Variants in LARGE1 observed in about 807,000 individuals in gnomAD.
The protein encoded by LARGE1 is xylosyl- and glucuronyltransferase LARGE1.
Under a neutral mutation model 87.6 loss-of-function variants are expected in LARGE1, and 43 were observed. The observed-to-expected ratio is 0.49, with a 90% CI of 0.38 to 0.63. The LOEUF is 0.63. Among genes scored for constraint, LARGE1 ranks in the 30% least tolerant of loss-of-function variants. LARGE1 has a pLI of 0.00. For synonymous variants in LARGE1, 434 were observed against 394.6 expected, an observed-to-expected ratio of 1.10 and a Z score of -1.18; for missense variants, 802 against 1,000.2, an observed-to-expected ratio of 0.80 and a Z score of 2.67.
At position 33,396,709 on chromosome 22, in the gene LARGE1, G is replaced by A. The variant is rs180810588; in HGVS notation, c.893-12405C>T. 4.6e-3 allele frequency among the ~76,000 whole-genome samples: 699 copies of A among 152,224 alleles called. 4 individuals carry two copies. Among genetic ancestry groups the A allele is most frequent in the African/African-American group, 0.016 (667 of 41,530 alleles). ...CTTGGAGGTGTTATGGGCAAATAGA[G>A]GTATGTTCTAGGCAGACAGGGTGGG... On this transcript the variant is annotated intron_variant, in intron 7 of 14. Coordinates refer to ENST00000397394, the MANE Select transcript of LARGE1 (RefSeq NM_133642.5).
At chr22:33,786,582 C>A (rs2085648150) in intron 1 of LARGE1, among the ~76,000 whole-genome samples, 1 of 152,214 alleles carries the variant, frequency 6.6e-6, no homozygotes, top group African/African-American at 2.4e-5. Flanking sequence ...CAGAGGGTCT[C>A]CGAGAATTCT....
At chr22:33,653,252 G>A (rs900638196) in intron 2 of LARGE1, among the ~76,000 whole-genome samples, 5 of 152,158 alleles carry the variant, frequency 3.3e-5, no homozygotes, top group African/African-American at 1.2e-4. Context: ...CAATTAAGTA[G>A]TAATAGTTAT....
rs56730610 is a variant in LARGE1, at chr22:33,616,391, G to C, written c.491+9853C>G. Reference sequence around the variant, plus strand: ...TTTAAAAAATTAAAAAATTAGCTGGGCATGGTGGCAGGCACCTGTAATTCC... The same window carrying C: ...TTTAAAAAATTAAAAAATTAGCTGGCCATGGTGGCAGGCACCTGTAATTCC... On this transcript the variant is annotated intron_variant, in intron 4 of 14. Coordinates refer to ENST00000397394, the MANE Select transcript of LARGE1 (RefSeq NM_133642.5). Among the ~76,000 whole-genome samples, 966 of 152,134 alleles carry C rather than the reference G, an allele frequency of 6.3e-3. 8 individuals are homozygous for C. Among genetic ancestry groups the C allele is most frequent in the African/African-American group, 0.022 (927 of 41,526 alleles).
chr22:33,130,573 C>A, the LARGE1 span, among the ~76,000 whole-genome samples: 12 of 152,038 alleles, frequency 7.9e-5, no homozygotes, highest in Non-Finnish European at 1.8e-4. Context: ...CTGTGCAAAT[C>A]GGTTTCAGAA....
At chr22:33,672,505 G>A (rs970033917) in intron 2 of LARGE1, among the ~76,000 whole-genome samples, 19 of 152,160 alleles carry the variant, frequency 1.2e-4, no homozygotes, top group African/African-American at 4.3e-4. Context: ...TTCTTCCAGG[G>A]TCTGTCTGCC....
chr22:33,444,673 G>A (rs2067616489), intron 6 of LARGE1, among the ~76,000 whole-genome samples: 1 of 152,162 alleles, frequency 6.6e-6, no homozygotes, highest in African/African-American at 2.4e-5. Context: ...GCATCATTTG[G>A]TATAAGGTTA....
chr22:33,715,326 C>A (rs950075808), intron 2 of LARGE1, among the ~76,000 whole-genome samples: 1 of 152,176 alleles, frequency 6.6e-6, no homozygotes, highest in African/African-American at 2.4e-5. Flanking sequence ...TCCAAGCTCA[C>A]TGAGTCCTCC....
intron 6 of LARGE1, among the ~76,000 whole-genome samples, chr22:33,531,867 G>T (rs1014748231): frequency 6.6e-6 from 1 of 152,228 alleles, no homozygotes; most frequent in Non-Finnish European, 1.5e-5. Flanking sequence ...TGCTCAGGCT[G>T]CCCGGAACAA....
chr22:33,622,935 T>C (rs557925587), intron 4 of LARGE1, among the ~76,000 whole-genome samples: 14 of 152,344 alleles, frequency 9.2e-5, no homozygotes, highest in Admixed American at 4.6e-4. Flanking sequence ...GCTGCACAGT[T>C]ACTGTAGGAG....
chr22:33,307,612 G>A (rs1935077386), intron 11 of LARGE1, among the ~76,000 whole-genome samples: 2 of 152,010 alleles, frequency 1.3e-5, no homozygotes, highest in African/African-American at 4.8e-5. Flanking sequence ...TATTTCCAAT[G>A]CATCGGATAT....
the LARGE1 span, among the ~76,000 whole-genome samples, chr22:33,129,011 T>C: frequency 3.4e-3 from 523 of 152,324 alleles, 1 homozygote; most frequent in Middle Eastern, 0.024. Flanking sequence ...GGTTGATAGG[T>C]GCAGCAAATC....
At chr22:33,508,347 A>G (rs1469413319) in intron 6 of LARGE1, among the ~76,000 whole-genome samples, 1 of 152,180 alleles carries the variant, frequency 6.6e-6, no homozygotes, top group African/African-American at 2.4e-5. Flanking sequence ...ACATGGATCA[A>G]AGGCAGCCTT....
chr22:33,555,702 G>A (rs568330936), intron 6 of LARGE1, among the ~76,000 whole-genome samples: 1 of 152,236 alleles, frequency 6.6e-6, no homozygotes, highest in East Asian at 1.9e-4. Context: ...GCCGAGACAG[G>A]AGGATCCACT....
rs565242176 is a variant in LARGE1 at position 33,633,804 on chromosome 22, C to T, written c.409-7478G>A. On this transcript the variant is annotated intron_variant, in intron 3 of 14. Transcript: ENST00000397394. ...GGGTTGAGGGGGACAGGCAAGACCT[C>T]CCAGAGGACAGATGCTCTGACAGCT... 2.6e-5 allele frequency among the ~76,000 whole-genome samples: 4 copies of T among 152,316 alleles called. No individual in the cohort carries two copies. The South Asian group carries it at 8.3e-4, about 32-fold the overall frequency.
intron 2 of LARGE1, among the ~76,000 whole-genome samples, chr22:33,696,140 T>C (rs2082238992): frequency 6.6e-6 from 1 of 152,208 alleles, no homozygotes; most frequent in Admixed American, 6.5e-5. Context: ...CTCTCAGTGA[T>C]GAATACCTGG....
intron 3 of LARGE1, among the ~76,000 whole-genome samples, chr22:33,628,614 C>T (rs1198883919): frequency 6.6e-6 from 1 of 152,168 alleles, no homozygotes; most frequent in East Asian, 1.9e-4. Context: ...TCGCACCCCG[C>T]CTAGAATAGA....
intron 6 of LARGE1, among the ~76,000 whole-genome samples, chr22:33,475,180 ATGAATAC>A (rs1233931084): frequency 6.6e-6 from 1 of 152,194 alleles, no homozygotes; most frequent in East Asian, 1.9e-4. Flanking sequence ...CATATAGAAG[ATGAATAC>A]TGGGGTGGGA....
chr22:33,681,865 G>A (rs2081783878), intron 2 of LARGE1, among the ~76,000 whole-genome samples: 1 of 152,242 alleles, frequency 6.6e-6, no homozygotes, highest in South Asian at 2.1e-4. Flanking sequence ...CAATGTCACA[G>A]CCCACTTTTA....
Position 33,728,576 on chromosome 22 carries a change from A to AAAAAAAAAAAC in LARGE1, c.106+32794_106+32795insGTTTTTTTTTT, listed in dbSNP as rs56192894. ...CAAAAAAAAAAAAAAAAAAAAAAAA[A>AAAAAAAAAAAC]AAACCAACAACAGAGACACATTTCC... On this transcript the variant is annotated intron_variant, in intron 2 of 14. Transcript: ENST00000397394. Among the ~76,000 whole-genome samples the AAAAAAAAAAAC allele has an allele frequency of 2.6e-4, 27 of 103,760 alleles. 4 individuals carry two copies. Among genetic ancestry groups the AAAAAAAAAAAC allele is most frequent in the South Asian group, 7.3e-4 (2 of 2,744 alleles). The allele number at this position is 103,760 out of a possible 152,430, so 68.1% of individuals were successfully genotyped here. A position where few individuals can be genotyped will look rare whatever the true frequency, so the allele number is the denominator to read the frequency against.
Sources: gnomAD v4.1 joint callset for allele counts (sites outside exome capture counted in the v4.1 genomes callset) on GRCh38, gnomAD v4.1.1 for gene constraint, MANE v1.5 for transcripts, NCBI Gene and HGNC (gene_info 2026-07-23, HGNC 2026-07-21) for gene names.